Variants in DOCK11 observed in about 807,000 individuals in gnomAD.
The protein encoded by DOCK11 is dedicator of cytokinesis 11.
DOCK11 carries 70 observed loss-of-function variants against 169.1 expected under a neutral mutation model. The observed-to-expected ratio is 0.41, with a 90% CI of 0.34 to 0.51. The LOEUF (loss-of-function observed/expected upper bound fraction) is 0.51, where lower values mean the gene tolerates loss of function less well. Among genes scored for constraint, DOCK11 ranks in the 20% least tolerant of loss-of-function variants. The probability of loss-of-function intolerance (pLI) is 0.10; values close to 1 mark genes in which losing one functional copy is unlikely to be tolerated. For missense variants in DOCK11, 1,166 were observed against 1,538.8 expected (o/e 0.76, Z 4.05); for synonymous variants, 529 against 541.3 (o/e 0.98, Z 0.32).
chrX:118,539,671 T>G (rs1013601128), intron 1 of DOCK11, among the ~76,000 whole-genome samples: 12 of 111,406 alleles, frequency 1.1e-4, no homozygotes, highest in Non-Finnish European at 1.9e-4. Context: ...TTAAAAATCA[T>G]AACACCACTT....
At chrX:118,657,035 C>G in intron 44 of DOCK11, among the ~76,000 whole-genome samples, 1 of 111,769 alleles carries the variant, frequency 8.9e-6, no homozygotes, top group South Asian at 3.7e-4. Flanking sequence ...AAAACTATTT[C>G]CTGGAATGTT....
At chrX:118,626,751 C>T (rs929519528) in intron 32 of DOCK11, among the ~76,000 whole-genome samples, 4 of 112,402 alleles carry the variant, frequency 3.6e-5, no homozygotes, top group Non-Finnish European at 5.6e-5. Context: ...ACCTGAGTGT[C>T]AGGCTGGTCT....
chrX:118,596,833 T>A (rs1429293285), intron 20 of DOCK11, among the ~76,000 whole-genome samples: 3 of 112,105 alleles, frequency 2.7e-5, no homozygotes, highest in African/African-American at 9.7e-5. Flanking sequence ...CTACACCTCT[T>A]CCTTCTGTAA....
chrX:118,629,187 C>T (rs2015178401), intron 34 of DOCK11, among the ~76,000 whole-genome samples: 1 of 111,658 alleles, frequency 9.0e-6, no homozygotes, highest in South Asian at 3.7e-4. Flanking sequence ...ACTATACTTC[C>T]ACTGGTTCCT....
intron 45 of DOCK11, among the ~76,000 whole-genome samples, chrX:118,668,918 A>G (rs1033549301): frequency 8.9e-5 from 10 of 111,819 alleles, no homozygotes; most frequent in African/African-American, 3.3e-4. Context: ...GGAAACTGCT[A>G]GTAGTTCGCT....
At chrX:118,566,290 C>G (rs2013077869) in intron 8 of DOCK11, 108 bp downstream of exon 8, 7 of 762,463 alleles carry the variant, frequency 9.2e-6, no homozygotes, top group African/African-American at 2.1e-5. Flanking sequence ...AAAAGTTGAC[C>G]TGCTTCTTCA....
rs397839351 is a variant in DOCK11 at position 118,568,370 on chromosome X, TTATATA to T, written c.1035+258_1035+263del. Reference sequence around the variant, plus strand: ...CATATGCAGATAATTTGGGGCTGAATTATATATATATATATATATATATATATATAT... The same window carrying T: ...CATATGCAGATAATTTGGGGCTGAATTATATATATATATATATATATATAT... On this transcript the variant is annotated intron_variant, in intron 10 of 52. Coordinates refer to ENST00000276202, the MANE Select transcript of DOCK11 (RefSeq NM_144658.4). Among the ~76,000 whole-genome samples the T allele has an allele frequency of 7.4e-3, 272 of 36,613 alleles. 1 individual carries two copies. The highest frequency in any genetic ancestry group is 9.7e-3 in the Admixed American group (21 of 2,170). The allele number at this position is 36,613 out of a possible 115,157, so 31.8% of individuals were successfully genotyped here.
intron 1 of DOCK11, among the ~76,000 whole-genome samples, chrX:118,520,528 G>T (rs2057715798): frequency 8.9e-6 from 1 of 112,541 alleles, no homozygotes; most frequent in Non-Finnish European, 1.9e-5. Context: ...AAGATGCCTT[G>T]CATTAGTGCT....
chrX:118,507,368 A>AT (rs35910696), intron 1 of DOCK11, among the ~76,000 whole-genome samples: 25,949 of 100,757 alleles, frequency 0.26, 2,954 homozygotes, highest in Middle Eastern at 0.42. Flanking sequence ...TTTGTATAAG[A>AT]TTTTTTTTTT....
intron 12 of DOCK11, among the ~76,000 whole-genome samples, 162 bp from the exon 13 acceptor site, chrX:118,578,363 G>A (rs1173294035): frequency 4.5e-5 from 5 of 111,688 alleles, no homozygotes; most frequent in Non-Finnish European, 9.4e-5. Flanking sequence ...AAGGAACGTT[G>A]GAAGCTTTGA....
At chrX:118,635,713 G>A (rs771552274) in intron 35 of DOCK11, among the ~76,000 whole-genome samples, 8 of 111,070 alleles carry the variant, frequency 7.2e-5, no homozygotes, top group African/African-American at 2.3e-4. Context: ...TCAGCCTCCC[G>A]AGTAGCTGGG....
chrX:118,626,348 G>A (rs1458274554), intron 32 of DOCK11, among the ~76,000 whole-genome samples: 2 of 111,242 alleles, frequency 1.8e-5, no homozygotes, highest in African/African-American at 6.5e-5. Flanking sequence ...TGGAATTATA[G>A]GCATGAGCCA....
chrX:118,501,829 C>T (rs185784594), intron 1 of DOCK11, among the ~76,000 whole-genome samples: 1 of 111,674 alleles, frequency 9.0e-6, no homozygotes, highest in African/African-American at 3.3e-5. Flanking sequence ...TGTTCATTTC[C>T]CCTCTCCCAT....
chrX:118,646,328 TGAA>T (rs984564263), intron 40 of DOCK11, among the ~76,000 whole-genome samples: 1 of 109,859 alleles, frequency 9.1e-6, no homozygotes, highest in African/African-American at 3.3e-5. Flanking sequence ...GAGGGTACAT[TGAA>T]GAAGAAGAAT....
intron 16 of DOCK11, among the ~76,000 whole-genome samples, 194 bp from the exon 17 acceptor site, chrX:118,587,943 T>G (rs2013865738): frequency 8.9e-6 from 1 of 112,270 alleles, no homozygotes; most frequent in African/African-American, 3.2e-5. Flanking sequence ...TCCACTAAAA[T>G]CAGCATCAGA....
intron 6 of DOCK11, among the ~76,000 whole-genome samples, chrX:118,560,670 GA>G (rs1373093267): frequency 2.7e-5 from 3 of 112,012 alleles, no homozygotes; most frequent in African/African-American, 9.7e-5. Flanking sequence ...TTTTAGGGGA[GA>G]ATAGAGGGAC....
intron 24 of DOCK11, among the ~76,000 whole-genome samples, chrX:118,606,383 T>C (rs2147454093): frequency 8.9e-6 from 1 of 112,567 alleles, no homozygotes; most frequent in East Asian, 2.8e-4. Flanking sequence ...GAATTTTTAA[T>C]TGTGTGTAAT....
At chrX:118,626,047 G>A (rs1337244496) in intron 32 of DOCK11, among the ~76,000 whole-genome samples, 1 of 104,739 alleles carries the variant, frequency 9.5e-6, no homozygotes, top group African/African-American at 3.5e-5. Flanking sequence ...CCACTAATCT[G>A]TCATTCCAAA....
intron 3 of DOCK11, 23 bp downstream of exon 3, chrX:118,543,038 A>C: frequency 1.8e-6 from 2 of 1,105,365 alleles, no homozygotes; most frequent in East Asian, 3.0e-5. Context: ...AAGGCCACAG[A>C]AGAATATTCT....
Sources: gnomAD v4.1 joint callset for allele counts (sites outside exome capture counted in the v4.1 genomes callset) on GRCh38, gnomAD v4.1.1 for gene constraint, MANE v1.5 for transcripts, NCBI Gene and HGNC (gene_info 2026-07-23, HGNC 2026-07-21) for gene names.